Variants in SLFN11 observed in about 807,000 individuals in gnomAD.
The protein encoded by SLFN11 is schlafen family member 11.
Under a neutral mutation model 53.4 loss-of-function variants are expected in SLFN11, and 43 were observed. That is an observed-to-expected ratio of 0.80 (90% CI 0.63 to 1.04). The LOEUF (loss-of-function observed/expected upper bound fraction) is 1.04, where lower values mean the gene tolerates loss of function less well. Ranked by LOEUF, SLFN11 falls within the 50% of genes least tolerant of loss-of-function variation. The pLI, the probability that SLFN11 is intolerant of heterozygous loss-of-function variation, is 0.00. For synonymous variants in SLFN11, 389 were observed against 394.7 expected (o/e 0.99, Z 0.17); for missense variants, 990 against 1,079.1 (o/e 0.92, Z 1.16).
rs750667963 is a variant in SLFN11, at chr17:35,362,910, C to T, written c.898G>A (p.Val300Met). ...AGCTCTCCCCTTTTTAACACATTCA[C>T]AATTTTGAGTGTGAAGGTTATCGGG... is the stretch of plus-strand genomic sequence containing the variant. ...QRPITFTLKIVNVLKRGELYG... is the reference protein window; with the variant it reads ...QRPITFTLKIMNVLKRGELYG... Residue 300 changes from valine to methionine, a missense_variant, in exon 4 of 7, where the codon GTG (valine) becomes ATG (methionine). Physicochemically the swap from Val to Met is conservative, Grantham distance 21. This residue lies in a region of SLFN11 where 521 missense variants were observed against 516.2 expected (regional missense o/e 1.01). Transcript: ENST00000685675. 1.9e-6 allele frequency: 3 copies of T among 1,613,688 alleles called. No individual in the cohort carries two copies. In the South Asian group the frequency reaches 3.3e-5, roughly 18 times the overall value.
rs1224048511 is a variant in SLFN11, at chr17:35,352,368, C to G, written c.2694G>C (p.Trp898Cys). Residue 898 changes from tryptophan to cysteine, a missense_variant, in exon 7 of 7, where the codon TGG becomes TGC. Coordinates refer to ENST00000685675, the MANE Select transcript of SLFN11 (RefSeq NM_001376007.1). Reference sequence around the variant, plus strand: ...TTTGGAGTTCTTCCTAATGGCCACCCCACGGAAAAATATACAGGTGTTGTT... The same window carrying G: ...TTTGGAGTTCTTCCTAATGGCCACCGCACGGAAAAATATACAGGTGTTGTT... ...RAKQHLYIFP[W>C]GGH The G allele has an allele frequency of 1.2e-6, 2 of 1,613,748 alleles. No individual in the cohort carries two copies. Among genetic ancestry groups the G allele is most frequent in the East Asian group, 4.5e-5 (2 of 44,882 alleles).
At position 35,363,793 on chromosome 17, in the gene SLFN11, C is replaced by T. The variant is rs1908593108; in HGVS notation, c.15G>A (p.Gln5=). The change falls in exon 4 of 7, where the codon CAG becomes CAA. Residue 5 remains glutamine (Q), a synonymous_variant. Transcript: ENST00000685675. ...AAGATGGTTCCACAACCAGGGGGCA[C>T]TGATTTGCCTCCATGTTGAACTCAC... The part of the protein sequence containing the change: MEAN[Q]CPLVVEPSYP... 6.4e-7 allele frequency: 1 copy of T among 1,574,224 alleles called. No individual in the cohort carries two copies. Among genetic ancestry groups the T allele is most frequent in the Non-Finnish European group, 8.6e-7 (1 of 1,164,720 alleles).
intron 3 of SLFN11, among the ~76,000 whole-genome samples, chr17:35,364,214 T>A (rs1449688388): frequency 6.6e-6 from 1 of 152,074 alleles, no homozygotes; most frequent in African/African-American, 2.4e-5. Flanking sequence ...TGAGACTATC[T>A]CAGTTTAGGT....
intron 4 of SLFN11, among the ~76,000 whole-genome samples, chr17:35,361,378 C>G (rs185975585): frequency 8.5e-4 from 129 of 152,184 alleles, no homozygotes; most frequent in African/African-American, 2.9e-3. Flanking sequence ...ACAGGATAAA[C>G]AGAGACACAG....
chr17:35,365,105 G>A (rs1426861392), intron 3 of SLFN11, among the ~76,000 whole-genome samples: 1 of 152,026 alleles, frequency 6.6e-6, no homozygotes. Flanking sequence ...AGGAAGGAAT[G>A]TGATCCAGGA....
At chr17:35,369,465 T>G (rs957668253) in intron 1 of SLFN11, among the ~76,000 whole-genome samples, 10 of 152,068 alleles carry the variant, frequency 6.6e-5, no homozygotes. Context: ...CAGGTAGACT[T>G]CTAAGGTTTT....
chr17:35,371,711 G>A (rs1340697642), intron 1 of SLFN11, among the ~76,000 whole-genome samples: 1 of 152,064 alleles, frequency 6.6e-6, no homozygotes, highest in Non-Finnish European at 1.5e-5. Flanking sequence ...AAATAGGCAT[G>A]TGAAAAGGTG....
intron 5 of SLFN11, among the ~76,000 whole-genome samples, chr17:35,359,393 TTATC>T (rs1342369477): frequency 2.6e-5 from 4 of 152,228 alleles, no homozygotes; most frequent in Non-Finnish European, 2.9e-5. Context: ...GGGGCAGTCA[TTATC>T]TATTAATTTA....
At chr17:35,368,929 C>G (rs1298785616) in intron 1 of SLFN11, among the ~76,000 whole-genome samples, 4 of 152,146 alleles carry the variant, frequency 2.6e-5, no homozygotes, top group Admixed American at 2.6e-4. Context: ...GGGAAAGACC[C>G]AGTCCTGGCA....
At chr17:35,357,649 C>T (rs1439138653) in intron 5 of SLFN11, among the ~76,000 whole-genome samples, 1 of 148,350 alleles carries the variant, frequency 6.7e-6, no homozygotes, top group Non-Finnish European at 1.5e-5. Flanking sequence ...CCAGATCCTA[C>T]ATTCTGTAAC....
At chr17:35,371,179 G>A (rs2141996222) in intron 1 of SLFN11, among the ~76,000 whole-genome samples, 1 of 151,992 alleles carries the variant, frequency 6.6e-6, no homozygotes, top group South Asian at 2.1e-4. Flanking sequence ...CACCTAAAGT[G>A]AACTCATTTT....
chr17:35,353,635 A>G lies in SLFN11; in HGVS notation c.1623T>C (p.Leu541=), dbSNP rs1401360089. Residue 541 remains leucine, a synonymous_variant, in exon 6 of 7, where the codon CTT becomes CTC. Coordinates refer to ENST00000685675, the MANE Select transcript of SLFN11 (RefSeq NM_001376007.1). The stretch of plus-strand genomic sequence containing the variant: ...GGGCTTCCATGTGCTGGGTGCCTGC[A>G]AGGCTATAGGACGCAGGGTAATCCA... ...SPMDYPASYS[L]AGTQHMEALL... The G allele has an allele frequency of 2.2e-5, 25 of 1,140,758 alleles. No individual in the cohort carries two copies. The highest frequency in any genetic ancestry group is 2.9e-5 in the Non-Finnish European group (24 of 837,600). 70.7% of individuals were successfully genotyped at this position (1,140,758 alleles called of 1,614,324 possible). A position where few individuals can be genotyped will look rare whatever the true frequency, so the allele number is the denominator to read the frequency against.
intron 2 of SLFN11, 186 bp downstream of exon 2, chr17:35,367,417 C>A (rs1041882440): frequency 6.6e-6 from 1 of 152,102 alleles, no homozygotes. Context: ...GAATTATAAT[C>A]AGCATCACTT....
At position 35,353,486 on chromosome 17, in the gene SLFN11, T is replaced by C. The variant is rs1907030688; in HGVS notation, c.1772A>G (p.Lys591Arg). Reference sequence around the variant, plus strand: ...GCCGTGGACAAACAACTCTCTGTTCTTGCGGAGGCTTCTGGAGAATATCTC... The same window carrying C: ...GCCGTGGACAAACAACTCTCTGTTCCTGCGGAGGCTTCTGGAGAATATCTC... ...QYEIFSRSLR[K>R]NRELFVHGLP... is the part of the protein sequence containing the mutation. The change falls in exon 6 of 7, where the codon AAG (lysine) becomes AGG (arginine). Residue 591 changes from lysine (K) to arginine (R), a missense_variant. Coordinates refer to ENST00000685675, the MANE Select transcript of SLFN11 (RefSeq NM_001376007.1). 6.3e-7 allele frequency: 1 copy of C among 1,577,060 alleles called. No homozygotes were observed. Among genetic ancestry groups the C allele is most frequent in the Admixed American group, 1.8e-5 (1 of 56,478 alleles).
intron 1 of SLFN11, among the ~76,000 whole-genome samples, chr17:35,368,510 G>A (rs1597726503): frequency 6.6e-6 from 1 of 152,068 alleles, no homozygotes; most frequent in Admixed American, 6.5e-5. Context: ...AGCAAGCCTC[G>A]CCACTGTAGC....
At chr17:35,362,045 C>A (rs1908288133) in intron 4 of SLFN11, among the ~76,000 whole-genome samples, 2 of 152,010 alleles carry the variant, frequency 1.3e-5, no homozygotes, top group South Asian at 4.1e-4. Flanking sequence ...AAGAAAGCAA[C>A]CCCAGAAAGC....
chr17:35,367,357 C>CA (rs536017559), intron 2 of SLFN11: 4 of 151,894 alleles, frequency 2.6e-5, no homozygotes, highest in African/African-American at 4.8e-5. Flanking sequence ...CTTTTGCAGG[C>CA]AAAAAAGGCT....
rs1245941951 is a variant in SLFN11 at position 35,363,591 on chromosome 17, T to C, written c.217A>G (p.Met73Val). 8.1e-6 allele frequency: 13 copies of C among 1,613,740 alleles called. No homozygotes were observed. The highest frequency in any genetic ancestry group is 2.7e-5 in the African/African-American group (2 of 74,898). The change falls in exon 4 of 7, where the codon ATG becomes GTG. Residue 73 changes from methionine to valine, a missense_variant. Coordinates refer to ENST00000685675, the MANE Select transcript of SLFN11 (RefSeq NM_001376007.1). ...AAAGACTGTTCTAAATCCAGTCCCA[T>C]CTCCACGGGATGCTCAACCTTCTTG... ...MAKKVEHPVEMGLDLEQSLRE... is the reference protein window; with the variant it reads ...MAKKVEHPVEVGLDLEQSLRE...
chr17:35,352,620 G>A lies in SLFN11; in HGVS notation c.2442C>T (p.Ser814=), dbSNP rs755967121. ...YSPKDVAVLV[S]TAKEVEHYKY... ...TATAGTGCTCCACTTCTTTTGCGGT[G>A]CTGACAAGCACAGCAACATCCTTTG... Residue 814 remains serine (S), a synonymous_variant, in exon 7 of 7, where the codon AGC becomes AGT. Coordinates refer to ENST00000685675, the MANE Select transcript of SLFN11 (RefSeq NM_001376007.1). The A allele has an allele frequency of 3.7e-6, 6 of 1,614,126 alleles. No homozygotes were observed. The East Asian group carries it at 6.7e-5, about 18-fold the overall frequency.
Sources: gnomAD v4.1 joint callset for allele counts (sites outside exome capture counted in the v4.1 genomes callset) on GRCh38, gnomAD v4.1.1 for gene constraint, gnomAD v4.1.1 regional missense constraint, MANE v1.5 for transcripts, NCBI Gene and HGNC (gene_info 2026-07-23, HGNC 2026-07-21) for gene names.